FAM187A: variants seen among roughly 807,000 people sequenced by gnomAD.
FAM187A encodes Ig-like V-type domain-containing protein FAM187A.
Under a neutral mutation model 6.4 loss-of-function variants are expected in FAM187A, and 4 were observed. The ratio of observed to expected loss-of-function variants is 0.63; its 90% CI spans 0.31 to 1.44. FAM187A has a LOEUF of 1.44. Ranked by LOEUF, FAM187A falls within the 40% of genes most tolerant of loss-of-function variation. The pLI, the probability that FAM187A is intolerant of heterozygous loss-of-function variation, is 0.07. For missense variants in FAM187A, 463 were observed against 542.2 expected (o/e 0.85, Z 1.45); for synonymous variants, 221 against 213.4 (o/e 1.04, Z -0.31).
At chr17:44,904,615 A>G (rs2145620031) in exon 4 of FAM187A, 1 of 1,550,562 alleles carries the variant, frequency 6.4e-7, no homozygotes, top group South Asian at 1.2e-5. Flanking sequence ...ATGTGTCCAA[A>G]GTGGGCAGCC....
At chr17:44,903,856 C>T (rs1468473297) in exon 4 of FAM187A, 1 of 1,539,334 alleles carries the variant, frequency 6.5e-7, no homozygotes, top group Non-Finnish European at 8.8e-7. Context: ...CCACTGTGCT[C>T]CTGTGGGCAT....
chr17:44,905,176 T>C (rs2051636223), exon 4 of FAM187A: 1 of 864,350 alleles, frequency 1.2e-6, no homozygotes, highest in East Asian at 2.7e-5. Flanking sequence ...GGTAGGAACA[T>C]GTGGACAAAT....
Position 44,904,356 on chromosome 17 carries a change from C to A in FAM187A, c.527C>A (p.Thr176Asn), listed in dbSNP as rs193255823. Residue 176 changes from threonine (T) to asparagine (N), a missense_variant, in exon 4 of 4, where the codon ACC becomes AAC. Physicochemically the swap from Thr to Asn is moderately conservative, Grantham distance 65. Coordinates refer to ENST00000331733, the Ensembl canonical transcript of FAM187A. The stretch of plus-strand genomic sequence containing the variant: ...GTCTTCACCACCTTCTGGGAATGGA[C>A]CCCCTGTGACCGCTGCGGAGTGCGT... 1.2e-4 allele frequency: 191 copies of A among 1,542,594 alleles called. 2 individuals are homozygous for A. In the Admixed American group the frequency reaches 3.6e-3, roughly 29 times the overall value.
At chr17:44,904,838 C>T in exon 4 of FAM187A, 3 of 1,550,694 alleles carry the variant, frequency 1.9e-6, no homozygotes, top group Non-Finnish European at 2.6e-6. Flanking sequence ...CTTCACCCAG[C>T]TGGATGACCG....
At chr17:44,903,486 C>T in exon 4 of FAM187A, 2 of 1,273,886 alleles carry the variant, frequency 1.6e-6, no homozygotes, top group Non-Finnish European at 2.0e-6. Flanking sequence ...GCAGAGATCT[C>T]CCTGCCCGAG....
chr17:44,904,209 C>A, exon 4 of FAM187A: 4 of 1,550,550 alleles, frequency 2.6e-6, no homozygotes, highest in Non-Finnish European at 2.6e-6. Context: ...TTCTGCGGCA[C>A]CCGCAAGGGG....
At chr17:44,904,333 C>T in exon 4 of FAM187A, 1 of 1,542,136 alleles carries the variant, frequency 6.5e-7, no homozygotes, top group Non-Finnish European at 8.8e-7. Flanking sequence ...ACCTCCATGT[C>T]TTCACCACCT....
chr17:44,904,807 C>A, exon 4 of FAM187A: 1 of 1,550,702 alleles, frequency 6.4e-7, no homozygotes, highest in South Asian at 1.2e-5. Flanking sequence ...TCATTGACCA[C>A]GGCAACCAGC....
At chr17:44,904,192 C>A in exon 4 of FAM187A, 1 of 1,550,554 alleles carries the variant, frequency 6.4e-7, no homozygotes, top group South Asian at 1.2e-5. Flanking sequence ...AGGACTCAGG[C>A]CTGTACTTCT....
In FAM187A at chr17:44,904,982, T is replaced by TA. The variant is rs1285225177; in HGVS notation, c.1154dup (p.Tyr385Ter). 1.3e-6 allele frequency: 2 copies of TA among 1,550,812 alleles called. No individual in the cohort carries two copies. The highest frequency in any genetic ancestry group is 1.7e-6 in the Non-Finnish European group (2 of 1,147,046). The change falls in exon 4 of 4, where the codon TAC (tyrosine) becomes TAAC (stop). Residue 385 changes from tyrosine (Y) to a stop codon, truncating the protein, a stop_gained and frameshift_variant. Coordinates refer to ENST00000331733, the Ensembl canonical transcript of FAM187A. LOFTEE classifies it low-confidence loss of function (END_TRUNC). Reference sequence around the variant, plus strand: ...GGCTGTGGAGCTCACCCTGATAGGCTACCTGCTCATCACAGCAGTCTTTGT... The same window carrying TA: ...GGCTGTGGAGCTCACCCTGATAGGCTAACCTGCTCATCACAGCAGTCTTTGT...
exon 4 of FAM187A, chr17:44,905,088 T>G: frequency 2.0e-6 from 3 of 1,503,660 alleles, no homozygotes; most frequent in Non-Finnish European, 2.7e-6. Flanking sequence ...TCTTCAGCTC[T>G]GAAGACCAGT....
rs2051599162 is a variant in FAM187A, at chr17:44,903,599, C to T, written c.-231C>T. On this transcript the variant is annotated 5_prime_UTR_variant, in exon 4 of 4. Coordinates refer to ENST00000331733, the Ensembl canonical transcript of FAM187A. ...AAAGGCCAGGTTCTAGAATGGCTTT[C>T]CCCCCCCACCCTGAGATCAGGTCTG... 21 of 1,394,370 alleles carry T rather than the reference C, an allele frequency of 1.5e-5. No homozygotes were observed. The South Asian group carries it at 3.5e-4, about 23-fold the overall frequency. 86.4% of individuals were successfully genotyped at this position (1,394,370 alleles called of 1,614,324 possible). A position where few individuals can be genotyped will look rare whatever the true frequency, so the allele number is the denominator to read the frequency against.
At chr17:44,905,026 TTGC>T (rs1292616525) in exon 4 of FAM187A, 1 of 1,549,504 alleles carries the variant, frequency 6.5e-7, no homozygotes, top group Non-Finnish European at 8.7e-7. Context: ...ACTTCTGTCG[TTGC>T]TGCTGCTACT....
At chr17:44,903,654 C>G in exon 4 of FAM187A, 1 of 1,433,340 alleles carries the variant, frequency 7.0e-7, no homozygotes, top group Non-Finnish European at 9.1e-7. Context: ...TGTACATCCA[C>G]TGGGAATAAA....
exon 4 of FAM187A, chr17:44,904,697 C>A (rs2051624540): frequency 9.7e-6 from 15 of 1,550,604 alleles, no homozygotes; most frequent in Non-Finnish European, 1.3e-5. Flanking sequence ...CATCTCCTGT[C>A]CTGGGGCCCG....
chr17:44,903,645 G>A (rs1354262031), exon 4 of FAM187A: 3 of 1,432,944 alleles, frequency 2.1e-6, no homozygotes, highest in East Asian at 2.5e-5. Context: ...AGGGCATCTT[G>A]TACATCCACT....
exon 4 of FAM187A, chr17:44,904,053 A>G (rs1211023648): frequency 6.4e-7 from 1 of 1,550,660 alleles, no homozygotes; most frequent in Non-Finnish European, 8.7e-7. Flanking sequence ...GGTAGCAGCC[A>G]CACCAAAGTG....
exon 4 of FAM187A, chr17:44,904,780 C>T (rs2051626672): frequency 6.4e-7 from 1 of 1,550,666 alleles, no homozygotes; most frequent in Non-Finnish European, 8.7e-7. Flanking sequence ...AGGGTGTCAA[C>T]AGGTCCATGA....
At chr17:44,905,211 C>T in exon 4 of FAM187A, 1 of 691,850 alleles carries the variant, frequency 1.4e-6, no homozygotes, top group Non-Finnish European at 2.5e-6. Flanking sequence ...TCCCCATTTT[C>T]ATGGGCAGGT....
Sources: gnomAD v4.1 joint callset for allele counts on GRCh38, gnomAD v4.1.1 for gene constraint, MANE v1.5 for transcripts, NCBI Gene and HGNC (gene_info 2026-07-23, HGNC 2026-07-21) for gene names.